Variants in DCT observed in about 807,000 individuals in gnomAD.
DCT encodes dopachrome tautomerase.
DCT carries 47 observed loss-of-function variants against 53.0 expected under a neutral mutation model. The observed-to-expected ratio is 0.89, with a 90% confidence interval of 0.70 to 1.13. The LOEUF (loss-of-function observed/expected upper bound fraction) is 1.13, where lower values mean the gene tolerates loss of function less well. Among genes scored for constraint, DCT ranks in the 50% most tolerant of loss-of-function variants. DCT has a pLI of 0.00. For synonymous variants in DCT, 244 were observed against 237.0 expected (o/e 1.03, Z -0.27); for missense variants, 669 against 637.4 (o/e 1.05, Z -0.53).
chr13:94,534,633 GT>G, the DCT span, among the ~76,000 whole-genome samples: 1 of 152,202 alleles, frequency 6.6e-6, no homozygotes, highest in African/African-American at 2.4e-5. Context: ...AAGTCAGTTT[GT>G]TTGAAAGAAA....
At chr13:94,542,125 T>G in the DCT span, among the ~76,000 whole-genome samples, 1 of 152,140 alleles carries the variant, frequency 6.6e-6, no homozygotes, top group Non-Finnish European at 1.5e-5. Flanking sequence ...CATTTAAAAG[T>G]CTGTGTTACT....
intron 6 of DCT, among the ~76,000 whole-genome samples, chr13:94,450,373 G>A (rs1882998467): frequency 6.6e-6 from 1 of 152,118 alleles, no homozygotes; most frequent in Non-Finnish European, 1.5e-5. Flanking sequence ...CAGCAAGGAT[G>A]GTGCTATAAT....
In DCT at chr13:94,465,690, T is replaced by C. The variant is rs1218951836; in HGVS notation, c.806A>G (p.Asp269Gly). 6 of 1,613,570 alleles carry C rather than the reference T, an allele frequency of 3.7e-6. No homozygotes were observed. The South Asian group carries it at 5.5e-5, about 15-fold the overall frequency. Residue 269 changes from aspartate (D) to glycine (G), a missense_variant, in exon 4 of 8, where the codon GAT becomes GGT. Coordinates refer to ENST00000377028, the MANE Select transcript of DCT (RefSeq NM_001922.5). The part of the protein sequence containing the change: ...DQLFGAARPD[D>G]PTLISRNSRF... ...TGAGTTCCGACTAATCAGAGTCGGA[T>C]CGTCTGGTCTCGCTGCCCCAAACAG...
chr13:94,481,208 T>A (rs949978330), upstream of DCT, among the ~76,000 whole-genome samples: 7 of 152,226 alleles, frequency 4.6e-5, no homozygotes, highest in African/African-American at 1.7e-4. Flanking sequence ...TCCAGGATGA[T>A]CTCATCTCAA....
At position 94,476,698 on chromosome 13, in the gene DCT, A is replaced by C. The variant is rs1594325491; in HGVS notation, c.295+2263T>G. On this transcript the variant is annotated intron_variant, in intron 1 of 7. Coordinates refer to ENST00000377028, the MANE Select transcript of DCT (RefSeq NM_001922.5). Reference sequence around the variant, plus strand: ...ACCATGTTGGCTAGGCTGGTGTTGAACTCCTGACCCGTCTTGGCCTCCCAA... The same window carrying C: ...ACCATGTTGGCTAGGCTGGTGTTGACCTCCTGACCCGTCTTGGCCTCCCAA... Among the ~76,000 whole-genome samples, 4 of 151,656 alleles carry C rather than the reference A, an allele frequency of 2.6e-5. No homozygotes were observed. The South Asian group carries it at 8.3e-4, about 32-fold the overall frequency.
the DCT span, among the ~76,000 whole-genome samples, chr13:94,530,374 G>A: frequency 3.1e-3 from 476 of 152,260 alleles, 3 homozygotes; most frequent in African/African-American, 0.011. Flanking sequence ...GAGGAACATC[G>A]ATGCAGAAAT....
chr13:94,460,013 C>A, intron 6 of DCT, 78 bp downstream of exon 6: 1 of 1,420,980 alleles, frequency 7.0e-7, no homozygotes, highest in Non-Finnish European at 9.9e-7. Flanking sequence ...AAAACACCAT[C>A]AAACATTAAT....
chr13:94,526,493 G>A, the DCT span, among the ~76,000 whole-genome samples: 1 of 152,092 alleles, frequency 6.6e-6, no homozygotes, highest in African/African-American at 2.4e-5. Flanking sequence ...AAAATTAGCT[G>A]GGCATGGTGG....
chr13:94,471,398 A>C (rs1299013240), intron 1 of DCT, among the ~76,000 whole-genome samples: 1 of 152,202 alleles, frequency 6.6e-6, no homozygotes, highest in African/African-American at 2.4e-5. Context: ...AATATTGAAA[A>C]AAGGAAAAAT....
At chr13:94,461,603 T>C (rs980104324) in intron 5 of DCT, among the ~76,000 whole-genome samples, 1 of 152,222 alleles carries the variant, frequency 6.6e-6, no homozygotes, top group African/African-American at 2.4e-5. Flanking sequence ...AATACTCCTC[T>C]GAGATCTCAG....
the DCT span, among the ~76,000 whole-genome samples, chr13:94,486,907 C>T: frequency 6.6e-6 from 1 of 151,886 alleles, no homozygotes; most frequent in African/African-American, 2.4e-5. Context: ...ATAAGACAAA[C>T]ACACACACAC....
the DCT span, among the ~76,000 whole-genome samples, chr13:94,502,840 C>A: frequency 6.6e-6 from 1 of 152,210 alleles, no homozygotes; most frequent in African/African-American, 2.4e-5. Context: ...CTCATGCAGA[C>A]AAATCCTCTG....
intron 3 of DCT, 127 bp downstream of exon 3, chr13:94,466,431 A>C: frequency 1.8e-6 from 1 of 560,752 alleles, no homozygotes; most frequent in Non-Finnish European, 3.2e-6. Flanking sequence ...AATTTACTTT[A>C]GTGCACTAAT....
chr13:94,477,420 A>G (rs568075414), intron 1 of DCT, among the ~76,000 whole-genome samples: 139 of 152,282 alleles, frequency 9.1e-4, no homozygotes, highest in African/African-American at 3.2e-3. Flanking sequence ...CTTAATGTGA[A>G]AAAAGAAATC....
At chr13:94,525,089 G>A in the DCT span, among the ~76,000 whole-genome samples, 6 of 148,230 alleles carry the variant, frequency 4.0e-5, no homozygotes, top group Non-Finnish European at 5.9e-5. Flanking sequence ...AGGCTCCAGC[G>A]CTGTGAAGTG....
the DCT span, among the ~76,000 whole-genome samples, chr13:94,531,837 A>G: frequency 6.6e-6 from 1 of 152,192 alleles, no homozygotes; most frequent in Non-Finnish European, 1.5e-5. Flanking sequence ...AAAAACTATC[A>G]TCAGAGTGAA....
Position 94,465,673 on chromosome 13 carries a change from G to C in DCT, c.823C>G (p.Arg275Gly). The change falls in exon 4 of 8, where the codon CGG becomes GGG. Residue 275 changes from arginine (R) to glycine (G), a missense_variant. Transcript: ENST00000377028. ...TCCCAGCTGGAGAATCTTGAGTTCC[G>C]ACTAATCAGAGTCGGATCGTCTGGT... ...ARPDDPTLIS[R>G]NSRFSSWETV... is the part of the protein sequence containing the mutation. 6.2e-7 allele frequency: 1 copy of C among 1,613,302 alleles called. No individual in the cohort carries two copies. Among genetic ancestry groups the C allele is most frequent in the Non-Finnish European group, 8.5e-7 (1 of 1,179,770 alleles).
the DCT span, among the ~76,000 whole-genome samples, chr13:94,521,494 C>T: frequency 2.0e-5 from 3 of 152,086 alleles, no homozygotes; most frequent in African/African-American, 7.2e-5. Context: ...ATGGGGTGAA[C>T]CCCCGTCTTT....
chr13:94,443,453 T>TA lies in DCT; in HGVS notation c.1363dup (p.Tyr455LeufsTer10). ...TTAGTTACCTGGCAGATCGATGGCA[T>TA]AGCTGTAGCCAAGTTGGTCTGAGGT... On this transcript the variant is annotated frameshift_variant, in exon 7 of 8. Transcript: ENST00000377028. LOFTEE classifies it low-confidence loss of function (END_TRUNC). 6.2e-7 allele frequency: 1 copy of TA among 1,613,632 alleles called. No homozygotes were observed. The highest frequency in any genetic ancestry group is 8.5e-7 in the Non-Finnish European group (1 of 1,179,550).
Sources: gnomAD v4.1 joint callset for allele counts (sites outside exome capture counted in the v4.1 genomes callset) on GRCh38, gnomAD v4.1.1 for gene constraint, MANE v1.5 for transcripts, NCBI Gene and HGNC (gene_info 2026-07-23, HGNC 2026-07-21) for gene names.